Variants in BIRC6 observed in about 807,000 individuals in gnomAD.
BIRC6 encodes baculoviral IAP repeat containing 6.
Under a neutral mutation model 503.3 loss-of-function variants are expected in BIRC6, and 98 were observed. The observed-to-expected ratio is 0.19, with a 90% CI of 0.17 to 0.23. BIRC6 has a LOEUF of 0.23. BIRC6 is among the 10% of genes least tolerant of loss of function. The pLI, the probability that BIRC6 is intolerant of heterozygous loss-of-function variation, is 1.00. For missense variants in BIRC6, 5,360 were observed against 5,806.0 expected, an observed-to-expected ratio of 0.92 and a Z score of 2.50; for synonymous variants, 2,240 against 2,078.7, an observed-to-expected ratio of 1.08 and a Z score of -2.11.
Position 32,377,722 on chromosome 2 carries a change from G to A in BIRC6, c.460G>A (p.Val154Ile), listed in dbSNP as rs762312266. 2.5e-6 allele frequency: 4 copies of A among 1,613,562 alleles called. No individual in the cohort carries two copies. In the African/African-American group the frequency reaches 4.0e-5, roughly 16 times the overall value. ...GTTAGACACTGCTCTGCAAACTCCAGTTTCAAAGCAGGATGATGTGGTTCA... is the reference window on the plus strand; with the variant it reads ...GTTAGACACTGCTCTGCAAACTCCAATTTCAAAGCAGGATGATGTGGTTCA... ...LLLDTALQTP[V>I]SKQDDVVQLE... Residue 154 changes from valine (V) to isoleucine (I), a missense_variant, in exon 2 of 74, where the codon GTT (valine) becomes ATT (isoleucine). Around this residue, in one of 16 missense-constraint regions of BIRC6, gnomAD observed 134 missense variants for 150.9 expected, o/e 0.89. Transcript: ENST00000421745.
chr2:32,597,487 G>C (rs768526361), intron 68 of BIRC6, among the ~76,000 whole-genome samples: 2 of 152,080 alleles, frequency 1.3e-5, no homozygotes, highest in Non-Finnish European at 2.9e-5. Context: ...CCCATTTCTT[G>C]CATCTGTTAG....
intron 1 of BIRC6, among the ~76,000 whole-genome samples, chr2:32,372,343 A>G (rs2036107400): frequency 6.6e-6 from 1 of 152,134 alleles, no homozygotes; most frequent in Non-Finnish European, 1.5e-5. Context: ...TCTGTTCTCC[A>G]TACTATGGAG....
chr2:32,435,617 C>G, intron 14 of BIRC6, 32 bp downstream of exon 14: 1 of 1,535,650 alleles, frequency 6.5e-7, no homozygotes. Context: ...TTGTCCATGA[C>G]AGTAAAAGGA....
rs370822885 is a variant in BIRC6, at chr2:32,373,920, A to G, written c.326-3668A>G. Among the ~76,000 whole-genome samples, 11 of 152,344 alleles carry G rather than the reference A, an allele frequency of 7.2e-5. 1 individual carries two copies. In the East Asian group the frequency reaches 7.7e-4, roughly 11 times the overall value. On this transcript the variant is annotated intron_variant, in intron 1 of 73. Transcript: ENST00000421745. ...TCTAATGTGGAGGAACCTTCAGGACATTATGCTAAGGGAAATAAGCCAGTC... is the reference window on the plus strand; with the variant it reads ...TCTAATGTGGAGGAACCTTCAGGACGTTATGCTAAGGGAAATAAGCCAGTC...
In BIRC6 at chr2:32,515,564, C is replaced by A; in HGVS notation, c.11143C>A (p.Leu3715Ile). 2 of 1,613,958 alleles carry A rather than the reference C, an allele frequency of 1.2e-6. No homozygotes were observed. The highest frequency in any genetic ancestry group is 8.5e-7 in the Non-Finnish European group (1 of 1,179,884). The change falls in exon 55 of 74, where the codon CTT becomes ATT. Residue 3715 changes from leucine to isoleucine, a missense_variant. This residue lies in a region of BIRC6 where 878 missense variants were observed against 928.9 expected (regional missense o/e 0.95). Coordinates refer to ENST00000421745, the MANE Select transcript of BIRC6 (RefSeq NM_016252.4). Reference sequence around the variant, plus strand: ...TGAAGTCAATCCACTATGGACAGCACTTCTGTTTTTATTGTGTCACTCTGG... The same window carrying A: ...TGAAGTCAATCCACTATGGACAGCAATTCTGTTTTTATTGTGTCACTCTGG... ...GSEVNPLWTA[L>I]LFLLCHSGST...
intron 57 of BIRC6, chr2:32,523,559 T>G: frequency 6.6e-6 from 1 of 152,240 alleles, no homozygotes; most frequent in East Asian, 1.9e-4. Flanking sequence ...GCATTTGTTA[T>G]GTGTATAAAA....
intron 33 of BIRC6, among the ~76,000 whole-genome samples, chr2:32,475,034 G>A (rs1033590771): frequency 3.3e-5 from 5 of 151,728 alleles, no homozygotes; most frequent in South Asian, 2.1e-4. Context: ...ATGTGGTGGC[G>A]TGTGCCTGTA....
chr2:32,423,456 T>C (rs2043150011), intron 10 of BIRC6, among the ~76,000 whole-genome samples: 1 of 152,210 alleles, frequency 6.6e-6, no homozygotes, highest in Non-Finnish European at 1.5e-5. Context: ...AAGCAGTAAC[T>C]TCCCATTCAT....
At chr2:32,506,694 T>G (rs1350784350) in intron 50 of BIRC6, among the ~76,000 whole-genome samples, 2 of 152,250 alleles carry the variant, frequency 1.3e-5, no homozygotes, top group African/African-American at 4.8e-5. Flanking sequence ...TGTACTTGAT[T>G]ACAAAATTTG....
rs1331095873 is a variant in BIRC6 at position 32,465,111 on chromosome 2, A to G, written c.5303A>G (p.His1768Arg). Residue 1768 changes from histidine (H) to arginine (R), a missense_variant, in exon 26 of 74, where the codon CAT becomes CGT. Around this residue, in one of 16 missense-constraint regions of BIRC6, gnomAD observed 2,299 missense variants for 2,267.2 expected, o/e 1.01. Transcript: ENST00000421745. ...GCCCTTGCAATTTCTCATGCTTCAC[A>G]TTTTCTTCAACCTCCGCCTCACCAG... is the stretch of plus-strand genomic sequence containing the variant. Reference protein sequence around the residue: ...GLALAISHASHFLQPPPHQSI... With the variant: ...GLALAISHASRFLQPPPHQSI... The G allele has an allele frequency of 1.9e-6, 3 of 1,604,546 alleles. No individual in the cohort carries two copies. The highest frequency in any genetic ancestry group is 2.2e-5 in the East Asian group (1 of 44,544).
chr2:32,549,107 G>A (rs2058262392), intron 64 of BIRC6: 1 of 379,986 alleles, frequency 2.6e-6, no homozygotes, highest in Non-Finnish European at 4.7e-6. Flanking sequence ...CATATGTAGT[G>A]TACCATCCTT....
intron 65 of BIRC6, among the ~76,000 whole-genome samples, chr2:32,570,624 C>G (rs2059851345): frequency 6.6e-6 from 1 of 151,300 alleles, no homozygotes; most frequent in African/African-American, 2.4e-5. Context: ...TCAGCACCCC[C>G]AAGTAGGTGG....
intron 38 of BIRC6, among the ~76,000 whole-genome samples, chr2:32,482,226 G>T (rs2050489608): frequency 6.6e-6 from 1 of 152,100 alleles, no homozygotes; most frequent in East Asian, 1.9e-4. Context: ...AACATATAAG[G>T]TATTTTTAGA....
At position 32,583,051 on chromosome 2, in the gene BIRC6, G is replaced by C. The variant is rs534984545; in HGVS notation, c.13355+7685G>C. 3.7e-4 allele frequency among the ~76,000 whole-genome samples: 57 copies of C among 152,176 alleles called. 1 individual carries two copies. In the South Asian group the frequency reaches 0.012, roughly 31 times the overall value. ...CTAAGTGATTAATCTCTTACAGTTT[G>C]GTGCATGATAATTACAGTACTCTGA... is the stretch of plus-strand genomic sequence containing the variant. On this transcript the variant is annotated intron_variant, in intron 66 of 73. Coordinates refer to ENST00000421745, the MANE Select transcript of BIRC6 (RefSeq NM_016252.4).
intron 9 of BIRC6, among the ~76,000 whole-genome samples, chr2:32,407,445 CAA>C (rs760585710): frequency 3.1e-4 from 22 of 69,846 alleles, no homozygotes; most frequent in Admixed American, 5.9e-4. Context: ...AACTCTGTCT[CAA>C]AAAAAAAAAA....
intron 69 of BIRC6, among the ~76,000 whole-genome samples, chr2:32,598,735 T>A (rs1228072885): frequency 6.6e-6 from 1 of 152,152 alleles, no homozygotes; most frequent in East Asian, 1.9e-4. Context: ...TTTGCTTGCT[T>A]CTTTTGATTT....
chr2:32,575,756 C>T (rs1302910227), intron 66 of BIRC6, among the ~76,000 whole-genome samples: 1 of 151,402 alleles, frequency 6.6e-6, no homozygotes, highest in African/African-American at 2.4e-5. Flanking sequence ...CAGAGCGAGA[C>T]TCCGTCTCAA....
intron 65 of BIRC6, among the ~76,000 whole-genome samples, chr2:32,569,581 AG>A (rs751290184): frequency 3.1e-4 from 47 of 151,958 alleles, no homozygotes; most frequent in Non-Finnish European, 5.3e-4. Flanking sequence ...TATGTTGTTC[AG>A]GCTGGTCTTA....
chr2:32,440,618 T>G (rs1215624654), intron 16 of BIRC6, among the ~76,000 whole-genome samples: 1 of 152,156 alleles, frequency 6.6e-6, no homozygotes, highest in Non-Finnish European at 1.5e-5. Context: ...TGATGTAATC[T>G]TCATTATAAC....
Sources: allele counts gnomAD v4.1 joint callset (sites outside exome capture counted in the v4.1 genomes callset), GRCh38; gene constraint gnomAD v4.1.1; regional missense constraint gnomAD v4.1.1; transcripts MANE v1.5; gene names NCBI Gene and HGNC (gene_info 2026-07-23, HGNC 2026-07-21).